The following UBTD1 variants were observed in gnomAD, a reference collection of about 807,000 sequenced individuals.
The protein encoded by UBTD1 is ubiquitin domain-containing protein 1.
A neutral mutation model predicts 21.7 loss-of-function variants in UBTD1; 19 were observed. That is an observed-to-expected ratio of 0.87 (90% confidence interval 0.61 to 1.28). UBTD1 has a LOEUF of 1.28. UBTD1 is among the 50% of genes most tolerant of loss of function. The pLI is 0.00. For synonymous variants in UBTD1, 116 were observed against 135.1 expected (o/e 0.86, Z 0.98); for missense variants, 282 against 315.1 (o/e 0.89, Z 0.80).
intron 1 of UBTD1, among the ~76,000 whole-genome samples, chr10:97,502,027 A>G (rs988109956): frequency 1.3e-5 from 2 of 152,164 alleles, no homozygotes; most frequent in African/African-American, 4.8e-5. Context: ...AGCCTTGAAG[A>G]CCTGGGTTCT....
chr10:97,561,238 G>C (rs73332724), intron 1 of UBTD1, among the ~76,000 whole-genome samples: 1 of 152,112 alleles, frequency 6.6e-6, no homozygotes, highest in South Asian at 2.1e-4. Context: ...TCCCCACAGG[G>C]ATGCTCCACA....
At chr10:97,545,024 A>G (rs996699652) in intron 1 of UBTD1, among the ~76,000 whole-genome samples, 5 of 152,062 alleles carry the variant, frequency 3.3e-5, no homozygotes, top group African/African-American at 1.2e-4. Flanking sequence ...GGTCAACCGT[A>G]TGATGACAGT....
chr10:97,535,968 A>AATTATTATTATTATTATTATT (rs760908517), intron 1 of UBTD1, among the ~76,000 whole-genome samples: 2 of 90,164 alleles, frequency 2.2e-5, no homozygotes, highest in African/African-American at 6.7e-5. Context: ...GTTGGAGAGA[A>AATTATTATTATTATTATTATT]ATTATTATTA....
At chr10:97,533,451 G>A (rs963477112) in intron 1 of UBTD1, among the ~76,000 whole-genome samples, 4 of 152,206 alleles carry the variant, frequency 2.6e-5, no homozygotes, top group Non-Finnish European at 4.4e-5. Context: ...ATGGAAGGCC[G>A]CCTATATTCT....
intron 1 of UBTD1, among the ~76,000 whole-genome samples, chr10:97,541,854 C>T (rs1041657541): frequency 6.6e-6 from 1 of 151,704 alleles, no homozygotes; most frequent in Admixed American, 6.6e-5. Flanking sequence ...CCTGCCTCAG[C>T]CTCCCGAGTA....
intron 1 of UBTD1, among the ~76,000 whole-genome samples, chr10:97,536,031 C>T (rs2040559855): frequency 1.5e-5 from 2 of 130,424 alleles, no homozygotes; most frequent in Admixed American, 1.5e-4. Flanking sequence ...TTGCTCTAGT[C>T]ACCCAGGCTG....
intron 1 of UBTD1, among the ~76,000 whole-genome samples, chr10:97,505,390 T>C (rs2040394056): frequency 6.6e-6 from 1 of 152,164 alleles, no homozygotes; most frequent in Non-Finnish European, 1.5e-5. Flanking sequence ...TGAGGTCAAG[T>C]GTATTCAAAG....
At chr10:97,551,101 C>G (rs2040634961) in intron 1 of UBTD1, among the ~76,000 whole-genome samples, 1 of 152,222 alleles carries the variant, frequency 6.6e-6, no homozygotes, top group Non-Finnish European at 1.5e-5. Flanking sequence ...GCCCCTGTAA[C>G]TGGTTCCATG....
intron 1 of UBTD1, among the ~76,000 whole-genome samples, chr10:97,517,924 TCTC>T (rs932263970): frequency 1.4e-4 from 21 of 151,926 alleles, no homozygotes; most frequent in Non-Finnish European, 2.6e-4. Context: ...GTGGCTGTGT[TCTC>T]CTTCCTGGGC....
intron 1 of UBTD1, among the ~76,000 whole-genome samples, chr10:97,503,474 A>G (rs543350989): frequency 6.6e-6 from 1 of 152,192 alleles, no homozygotes; most frequent in Admixed American, 6.5e-5. Context: ...GCCCAGCTCC[A>G]CCCTTTGAGA....
chr10:97,549,125 G>A (rs1163401174), intron 1 of UBTD1, among the ~76,000 whole-genome samples: 1 of 152,232 alleles, frequency 6.6e-6, no homozygotes, highest in East Asian at 1.9e-4. Flanking sequence ...GAGGCCTTGG[G>A]TAGGTCTGTT....
At chr10:97,541,828 T>C (rs1256670269) in intron 1 of UBTD1, among the ~76,000 whole-genome samples, 1 of 146,780 alleles carries the variant, frequency 6.8e-6, no homozygotes, top group African/African-American at 2.6e-5. Context: ...TCCGCCTCCC[T>C]AGTTTAAGAA....
intron 1 of UBTD1, among the ~76,000 whole-genome samples, chr10:97,553,519 G>A (rs930676535): frequency 1.2e-4 from 19 of 152,200 alleles, no homozygotes; most frequent in Non-Finnish European, 7.3e-5. Context: ...GTGTTTGTCT[G>A]TATCAGTGGC....
chr10:97,525,997 G>C, intron 1 of UBTD1, among the ~76,000 whole-genome samples: 1 of 152,168 alleles, frequency 6.6e-6, no homozygotes. Flanking sequence ...CTATTAACAA[G>C]GTTCCTGGCA....
chr10:97,556,432 G>A (rs924698326), intron 1 of UBTD1, among the ~76,000 whole-genome samples: 10 of 152,190 alleles, frequency 6.6e-5, no homozygotes, highest in African/African-American at 2.2e-4. Context: ...CTCTTGCCAG[G>A]CAAGAACAGT....
intron 1 of UBTD1, among the ~76,000 whole-genome samples, chr10:97,514,124 T>C: frequency 6.6e-6 from 1 of 152,124 alleles, no homozygotes; most frequent in East Asian, 1.9e-4. Flanking sequence ...CCTCTGTTGC[T>C]TCTTGCTCAA....
At chr10:97,520,704 A>T (rs1301371014) in intron 1 of UBTD1, among the ~76,000 whole-genome samples, 2 of 152,126 alleles carry the variant, frequency 1.3e-5, no homozygotes, top group South Asian at 4.1e-4. Flanking sequence ...CTGCTGGTCC[A>T]TGTACCACCT....
intron 1 of UBTD1, among the ~76,000 whole-genome samples, chr10:97,508,027 A>T (rs1052649708): frequency 6.6e-6 from 1 of 152,178 alleles, no homozygotes; most frequent in Non-Finnish European, 1.5e-5. Context: ...GCTCAGAGAG[A>T]TGTAATTAGC....
At chr10:97,518,693 G>A (rs10882951) in intron 1 of UBTD1, among the ~76,000 whole-genome samples, 4 of 152,006 alleles carry the variant, frequency 2.6e-5, no homozygotes, top group South Asian at 2.1e-4. Context: ...TGTTCTTGTC[G>A]TTGACTGGAG....
Sources: allele counts gnomAD v4.1 joint callset (sites outside exome capture counted in the v4.1 genomes callset), GRCh38; gene constraint gnomAD v4.1.1; transcripts MANE v1.5; gene names NCBI Gene and HGNC (gene_info 2026-07-23, HGNC 2026-07-21).